The following PLCH1 variants were observed in gnomAD, a reference collection of about 807,000 sequenced individuals.
PLCH1 encodes the protein phospholipase C eta 1, also known as 1-phosphatidylinositol 4,5-bisphosphate phosphodiesterase eta-1.
PLCH1 carries 60 observed loss-of-function variants against 126.7 expected under a neutral mutation model. The observed-to-expected ratio is 0.47, with a 90% CI of 0.38 to 0.59. The LOEUF (loss-of-function observed/expected upper bound fraction) is 0.59. Among genes scored for constraint, PLCH1 ranks in the 20% least tolerant of loss-of-function variants. PLCH1 has a pLI of 0.00. For missense variants in PLCH1, 1,723 were observed against 2,040.0 expected (o/e 0.84, Z 2.99); for synonymous variants, 719 against 734.9 (o/e 0.98, Z 0.35).
intron 6 of PLCH1, among the ~76,000 whole-genome samples, chr3:155,573,642 G>A (rs542019864): frequency 6.6e-6 from 1 of 152,278 alleles, no homozygotes; most frequent in Admixed American, 6.5e-5. Context: ...CCAACAGGGT[G>A]AGGATGAAAT....
At chr3:155,601,339 A>G (rs17413466) in intron 2 of PLCH1, among the ~76,000 whole-genome samples, 7,155 of 152,220 alleles carry the variant, frequency 0.047, 238 homozygotes, top group Middle Eastern at 0.1. Context: ...TGCCACAAGC[A>G]GTTTAATATA....
chr3:155,464,360 G>T (rs1415960820), intron 21 of PLCH1, among the ~76,000 whole-genome samples: 1 of 152,132 alleles, frequency 6.6e-6, no homozygotes, highest in African/African-American at 2.4e-5. Flanking sequence ...AGTGGAAAAG[G>T]TGGGTTGATT....
chr3:155,504,984 A>G (rs1007004888), intron 12 of PLCH1, among the ~76,000 whole-genome samples: 1 of 152,148 alleles, frequency 6.6e-6, no homozygotes, highest in Non-Finnish European at 1.5e-5. Context: ...AAATGTTCTG[A>G]GTGGGGTTAA....
rs780237556 is a variant in PLCH1 at position 155,481,057 on chromosome 3, C to T, written c.4969G>A (p.Val1657Ile). 1.3e-5 allele frequency: 21 copies of T among 1,613,816 alleles called. No homozygotes were observed. The highest frequency in any genetic ancestry group is 6.6e-5 in the South Asian group (6 of 91,092). Residue 1657 changes from valine to isoleucine, a missense_variant, in exon 23 of 23, where the codon GTT (valine) becomes ATT (isoleucine). Around this residue, in one of 2 missense-constraint regions of PLCH1, gnomAD observed 947 missense variants for 977.1 expected, o/e 0.97. Transcript: ENST00000460012. The surrounding 1 kb of genome is among the most constrained non-coding windows in gnomAD (Gnocchi z 4.2). ...GAATTATCTGAACAAAACTGGTCAA[C>T]GTGGCCATAGTGAAGAGCCGTGCAT... Reference protein sequence around the residue: ...GACTALHYGHVDQFCSDNSVL... With the variant: ...GACTALHYGHIDQFCSDNSVL...
At chr3:155,468,901 C>T (rs903120526) in intron 21 of PLCH1, among the ~76,000 whole-genome samples, 6 of 152,164 alleles carry the variant, frequency 3.9e-5, no homozygotes, top group East Asian at 3.9e-4. Flanking sequence ...AGACTTAATC[C>T]GCACTACAGA....
In PLCH1 at chr3:155,704,148, T is replaced by C; in HGVS notation, c.77A>G (p.His26Arg). ...CATAAATACAAGAGACAGCTTACCA[T>C]GAAACACACTGTTGTCCACCAGAAA... is the stretch of plus-strand genomic sequence containing the variant. Reference protein sequence around the residue: ...RHFLVDNSVFHVERCMSVMQS... With the variant: ...RHFLVDNSVFRVERCMSVMQS... The change falls in exon 2 of 23, where the codon CAT (histidine) becomes CGT (arginine). Residue 26 changes from histidine (H) to arginine (R), a missense_variant and splice_region_variant. Physicochemically the swap from His to Arg is conservative, Grantham distance 29. Around this residue, in one of 2 missense-constraint regions of PLCH1, gnomAD observed 776 missense variants for 1,062.9 expected, o/e 0.73. Coordinates refer to ENST00000460012, the MANE Select transcript of PLCH1 (RefSeq NM_014996.4). 1 of 1,210,586 alleles carries C rather than the reference T, an allele frequency of 8.3e-7. No individual in the cohort carries two copies. Among genetic ancestry groups the C allele is most frequent in the Non-Finnish European group, 1.0e-6 (1 of 968,678 alleles). The allele number at this position is 1,210,586 out of a possible 1,614,324, so 75.0% of individuals were successfully genotyped here.
At chr3:155,468,710 A>G (rs1021552053) in intron 21 of PLCH1, among the ~76,000 whole-genome samples, 4 of 152,218 alleles carry the variant, frequency 2.6e-5, no homozygotes, top group Admixed American at 1.3e-4. Context: ...TTAAACATAT[A>G]TATAACAAAT....
intron 2 of PLCH1, among the ~76,000 whole-genome samples, chr3:155,639,832 G>A (rs545394748): frequency 2.6e-5 from 4 of 152,274 alleles, no homozygotes; most frequent in South Asian, 2.1e-4. Flanking sequence ...CTGAGTCATG[G>A]GGGTGGATAT....
chr3:155,544,699 A>G lies in PLCH1; in HGVS notation c.1362+5088T>C, dbSNP rs1351076624. 5.4e-3 allele frequency among the ~76,000 whole-genome samples: 817 copies of G among 152,252 alleles called. 7 individuals carry two copies. Among genetic ancestry groups the G allele is most frequent in the Middle Eastern group, 0.02 (6 of 294 alleles). On this transcript the variant is annotated intron_variant, in intron 10 of 22. Transcript: ENST00000460012. ...TATAACAAACTGTCTCTCAGACCAC[A>G]GTGCAATCAAACTAGAACTCAGGAT...
At chr3:155,464,678 T>G (rs1183784131) in intron 21 of PLCH1, among the ~76,000 whole-genome samples, 2 of 152,170 alleles carry the variant, frequency 1.3e-5, no homozygotes, top group Non-Finnish European at 2.9e-5. Context: ...TCCTGATAAG[T>G]GAAACCCTGA....
chr3:155,548,234 T>C (rs1477623243), intron 10 of PLCH1, among the ~76,000 whole-genome samples: 1 of 152,220 alleles, frequency 6.6e-6, no homozygotes, highest in Non-Finnish European at 1.5e-5. Flanking sequence ...ATTGCTCTGA[T>C]AGTAAAGGAA....
At chr3:155,504,725 G>A in intron 12 of PLCH1, 99 bp from the exon 13 acceptor site, 5 of 750,746 alleles carry the variant, frequency 6.7e-6, no homozygotes, top group South Asian at 1.6e-5. Flanking sequence ...TTTCTCTTCT[G>A]TTTGCCTCTA....
chr3:155,673,646 C>A (rs1041853439), intron 2 of PLCH1, among the ~76,000 whole-genome samples: 1 of 152,142 alleles, frequency 6.6e-6, no homozygotes, highest in Non-Finnish European at 1.5e-5. Context: ...ATCTGTTACA[C>A]GTCTTCAAGA....
intron 21 of PLCH1, chr3:155,457,681 G>A (rs1251882431): frequency 6.6e-6 from 1 of 152,108 alleles, no homozygotes; most frequent in Non-Finnish European, 1.5e-5. Flanking sequence ...ACTTCATAAG[G>A]TCAAGGAATT....
chr3:155,624,062 C>T (rs1736902118), intron 2 of PLCH1, among the ~76,000 whole-genome samples: 2 of 152,210 alleles, frequency 1.3e-5, no homozygotes, highest in Non-Finnish European at 1.5e-5. Flanking sequence ...ACAATCAAGA[C>T]AGCTTCATCC....
At chr3:155,626,630 G>A (rs1203447088) in intron 2 of PLCH1, among the ~76,000 whole-genome samples, 1 of 151,762 alleles carries the variant, frequency 6.6e-6, no homozygotes, top group African/African-American at 2.4e-5. Flanking sequence ...TTAGCCGGGC[G>A]TGGTGGTGGG....
chr3:155,453,645 T>C (rs1712367763), intron 21 of PLCH1, among the ~76,000 whole-genome samples: 1 of 151,996 alleles, frequency 6.6e-6, no homozygotes, highest in Non-Finnish European at 1.5e-5. Context: ...ATGGGAGTAT[T>C]AAGAAAAATG....
At chr3:155,520,746 T>C (rs868242301) in intron 11 of PLCH1, among the ~76,000 whole-genome samples, 1 of 152,240 alleles carries the variant, frequency 6.6e-6, no homozygotes, top group Non-Finnish European at 1.5e-5. Flanking sequence ...GTATGATTCT[T>C]GGGTCACTGA....
chr3:155,658,542 A>G (rs1407692821), intron 2 of PLCH1: 1 of 152,240 alleles, frequency 6.6e-6, no homozygotes, highest in Non-Finnish European at 1.5e-5. Flanking sequence ...TGCACATTTT[A>G]CTAAAATAAT....
Sources: gnomAD v4.1 joint callset for allele counts (sites outside exome capture counted in the v4.1 genomes callset) on GRCh38, gnomAD v4.1.1 for gene constraint, gnomAD v4.1.1 regional missense constraint, Gnocchi (gnomAD v3.1) non-coding constraint, MANE v1.5 for transcripts, NCBI Gene and HGNC (gene_info 2026-07-23, HGNC 2026-07-21) for gene names.